Variants in RFX8 observed in about 807,000 individuals in gnomAD.
RFX8 encodes the protein DNA-binding protein RFX8.
RFX8 carries 46 observed loss-of-function variants against 54.6 expected under a neutral mutation model. The ratio of observed to expected loss-of-function variants is 0.84; its 90% CI spans 0.67 to 1.08. The LOEUF (loss-of-function observed/expected upper bound fraction) is 1.08, where lower values mean the gene tolerates loss of function less well. Ranked by LOEUF, RFX8 falls within the 50% of genes least tolerant of loss-of-function variation. The probability of loss-of-function intolerance (pLI) is 0.00; values close to 1 mark genes in which losing one functional copy is unlikely to be tolerated. For synonymous variants in RFX8, 192 were observed against 209.5 expected (o/e 0.92, Z 0.72); for missense variants, 536 against 562.3 (o/e 0.95, Z 0.47).
intron 2 of RFX8, among the ~76,000 whole-genome samples, chr2:101,424,364 A>AACAACAG (rs1275030848): frequency 1.3e-5 from 2 of 152,182 alleles, no homozygotes; most frequent in Non-Finnish European, 2.9e-5. Flanking sequence ...AAAGTCAGGA[A>AACAACAG]ACAACAGGTG....
intron 10 of RFX8, 86 bp downstream of exon 10, chr2:101,405,857 T>C: frequency 1.4e-6 from 1 of 737,434 alleles, no homozygotes; most frequent in Non-Finnish European, 2.1e-6. Context: ...ACGGCTGGAT[T>C]CTACATAGCA....
At chr2:101,414,608 C>G (rs928197745) in intron 7 of RFX8, among the ~76,000 whole-genome samples, 5 of 152,092 alleles carry the variant, frequency 3.3e-5, no homozygotes, top group Non-Finnish European at 7.4e-5. Flanking sequence ...CCTGCCTTCC[C>G]TCCTGCCCTG....
intron 2 of RFX8, among the ~76,000 whole-genome samples, chr2:101,453,278 A>AG (rs1688794804): frequency 7.9e-6 from 1 of 126,770 alleles, no homozygotes; most frequent in South Asian, 2.6e-4. Flanking sequence ...CTCTGTCTCA[A>AG]AAAAAAATAA....
intron 1 of RFX8, 81 bp downstream of exon 1, chr2:101,474,555 G>T: frequency 3.3e-6 from 1 of 298,678 alleles, no homozygotes; most frequent in Non-Finnish European, 6.2e-6. Flanking sequence ...GGCTGGAGCT[G>T]CCTCCCGCTC....
chr2:101,400,899 A>G (rs905552678), intron 11 of RFX8, among the ~76,000 whole-genome samples: 7 of 152,038 alleles, frequency 4.6e-5, no homozygotes, highest in African/African-American at 1.7e-4. Context: ...CCTCCTAGGT[A>G]TAGCCTAGCC....
intron 2 of RFX8, among the ~76,000 whole-genome samples, chr2:101,443,793 A>C (rs1688228052): frequency 6.6e-6 from 1 of 152,154 alleles, no homozygotes; most frequent in African/African-American, 2.4e-5. Context: ...CCAAAGGACT[A>C]GGAAAGGGAA....
chr2:101,452,637 A>G (rs2148974684), intron 2 of RFX8, among the ~76,000 whole-genome samples: 1 of 152,242 alleles, frequency 6.6e-6, no homozygotes, highest in South Asian at 2.1e-4. Context: ...ATTTTGGGGG[A>G]AAAAAATTAG....
intron 2 of RFX8, chr2:101,429,040 G>C (rs774732374): frequency 6.7e-7 from 1 of 1,490,866 alleles, no homozygotes; most frequent in South Asian, 1.2e-5. Context: ...ACAGAAAACA[G>C]AGAAGTAATT....
chr2:101,412,882 C>A, intron 8 of RFX8, 33 bp downstream of exon 8: 1 of 1,537,766 alleles, frequency 6.5e-7, no homozygotes, highest in Non-Finnish European at 8.8e-7. Flanking sequence ...ATGCCCAACA[C>A]GCCAATAAAG....
chr2:101,463,076 T>C (rs1689369688), intron 2 of RFX8, among the ~76,000 whole-genome samples: 1 of 152,292 alleles, frequency 6.6e-6, no homozygotes, highest in Non-Finnish European at 1.5e-5. Flanking sequence ...CCATCACCCA[T>C]CCACACATCG....
chr2:101,403,350 A>G (rs1685555199), intron 10 of RFX8, among the ~76,000 whole-genome samples: 1 of 152,202 alleles, frequency 6.6e-6, no homozygotes, highest in Non-Finnish European at 1.5e-5. Flanking sequence ...GAATGCTCCA[A>G]ATCCCAAGGC....
intron 2 of RFX8, among the ~76,000 whole-genome samples, chr2:101,450,230 T>C (rs928945210): frequency 6.6e-6 from 1 of 152,068 alleles, no homozygotes; most frequent in Admixed American, 6.6e-5. Flanking sequence ...TTATTATTAT[T>C]ACTATTTTGA....
chr2:101,404,591 A>G (rs1370334499), intron 10 of RFX8, among the ~76,000 whole-genome samples: 5 of 150,536 alleles, frequency 3.3e-5, no homozygotes, highest in African/African-American at 9.8e-5. Context: ...ACACCTGGCT[A>G]ATTTTTTTTT....
chr2:101,399,949 T>A (rs1685337227), intron 11 of RFX8, among the ~76,000 whole-genome samples: 2 of 152,198 alleles, frequency 1.3e-5, no homozygotes, highest in African/African-American at 4.8e-5. Context: ...CTTGGAAGGA[T>A]CTGTGGAGGT....
At chr2:101,440,634 T>C (rs912791503) in intron 2 of RFX8, among the ~76,000 whole-genome samples, 1 of 152,170 alleles carries the variant, frequency 6.6e-6, no homozygotes. Flanking sequence ...TGCCTCTTTT[T>C]CCATCATGAT....
intron 2 of RFX8, among the ~76,000 whole-genome samples, chr2:101,429,400 TAGA>T (rs1687364143): frequency 1.3e-5 from 2 of 152,226 alleles, no homozygotes; most frequent in South Asian, 2.1e-4. Context: ...TTGATGGATG[TAGA>T]AGAACACCTT....
Position 101,412,971 on chromosome 2 carries a change from G to A in RFX8, c.662C>T (p.Ala221Val). 1.3e-6 allele frequency: 2 copies of A among 1,551,862 alleles called. No individual in the cohort carries two copies. The highest frequency in any genetic ancestry group is 1.7e-6 in the Non-Finnish European group (2 of 1,147,002). ...NQGTLATSKK[A>V]LASDRSGADE... ...TGCGCCACTCCGGTCACTTGCCAGG[G>A]CTTTCTTAGAAGTAGCCAAAGTGCC... The change falls in exon 8 of 12, where the codon GCC becomes GTC. Residue 221 changes from alanine (A) to valine (V), a missense_variant. Ala to Val is a moderately conservative substitution (Grantham distance 64). Transcript: ENST00000428343.
intron 2 of RFX8, among the ~76,000 whole-genome samples, chr2:101,457,621 C>T (rs573338855): frequency 1.1e-3 from 167 of 152,268 alleles, no homozygotes; most frequent in African/African-American, 3.9e-3. Context: ...GAGTGCTTTA[C>T]TTCCAATTAT....
chr2:101,469,630 T>C (rs954367936), intron 1 of RFX8, among the ~76,000 whole-genome samples: 1 of 152,158 alleles, frequency 6.6e-6, no homozygotes, highest in Non-Finnish European at 1.5e-5. Context: ...ATTATCTCCT[T>C]AAAAAAGAAG....
Sources: allele counts gnomAD v4.1 joint callset (sites outside exome capture counted in the v4.1 genomes callset), GRCh38; gene constraint gnomAD v4.1.1; transcripts MANE v1.5; gene names NCBI Gene and HGNC (gene_info 2026-07-23, HGNC 2026-07-21).